The following MRNIP variants were observed in gnomAD, a reference collection of about 807,000 sequenced individuals.
MRNIP encodes the protein MRN complex-interacting protein.
Under a neutral mutation model 29.8 loss-of-function variants are expected in MRNIP, and 30 were observed. The ratio of observed to expected loss-of-function variants is 1.01; its 90% CI spans 0.75 to 1.36. MRNIP has a LOEUF of 1.36. Ranked by LOEUF, MRNIP falls within the 40% of genes most tolerant of loss-of-function variation. MRNIP has a pLI of 0.00. For missense variants in MRNIP, 459 were observed against 423.5 expected, an observed-to-expected ratio of 1.08 and a Z score of -0.74; for synonymous variants, 201 against 164.1, an observed-to-expected ratio of 1.23 and a Z score of -1.72.
rs544401792 is a variant in MRNIP, at chr5:179,843,044, A to AGG, written c.292-982_292-981dup. On this transcript the variant is annotated intron_variant, in intron 4 of 6. Transcript: ENST00000292586. ...GAGACTCTGTCGAAAGGAGGAAAGA[A>AGG]GGAAGGAAGGAAGGAAGGGAGGGAG... Among the ~76,000 whole-genome samples, 19 of 83,980 alleles carry AGG rather than the reference A, an allele frequency of 2.3e-4. No individual in the cohort carries two copies. The South Asian group carries it at 7.8e-3, about 34-fold the overall frequency. 55.1% of individuals were successfully genotyped at this position (83,980 alleles called of 152,430 possible).
intron 1 of MRNIP, among the ~76,000 whole-genome samples, chr5:179,857,885 G>A (rs1387262430): frequency 3.9e-5 from 6 of 151,954 alleles, no homozygotes; most frequent in African/African-American, 7.3e-5. Flanking sequence ...GGTGGCGCAT[G>A]CCTGTAATCC....
chr5:179,847,757 G>A, intron 3 of MRNIP: 2 of 487,850 alleles, frequency 4.1e-6, no homozygotes, highest in Non-Finnish European at 7.4e-6. Context: ...AGGTAATCAG[G>A]TGAGAATCTC....
chr5:179,854,807 CG>C (rs577855233), intron 1 of MRNIP, among the ~76,000 whole-genome samples: 92 of 152,202 alleles, frequency 6.0e-4, no homozygotes, highest in Non-Finnish European at 1.1e-3. Flanking sequence ...AAAAAAATTC[CG>C]TAACATTTAT....
chr5:179,851,850 A>T lies in MRNIP; in HGVS notation c.126+1528T>A, dbSNP rs182365914. On this transcript the variant is annotated intron_variant, in intron 2 of 6. Coordinates refer to ENST00000292586, the MANE Select transcript of MRNIP (RefSeq NM_016175.4). ...AATATTAGCCGGGCGTGGTGGTGGG[A>T]GCCTGTGGTCCCAGCTACTCAGGAG... 7.6e-3 allele frequency among the ~76,000 whole-genome samples: 1,152 copies of T among 151,672 alleles called. 14 individuals carry two copies. Among genetic ancestry groups the T allele is most frequent in the African/African-American group, 0.027 (1,099 of 41,320 alleles).
intron 2 of MRNIP, chr5:179,851,479 G>A: frequency 2.2e-6 from 1 of 448,208 alleles, no homozygotes; most frequent in South Asian, 1.6e-5. Flanking sequence ...GATATAGGGA[G>A]AAGCTGGGTG....
At chr5:179,841,078 A>C (rs1582039614) in intron 5 of MRNIP, 119 bp from the exon 6 acceptor site, 1 of 663,856 alleles carries the variant, frequency 1.5e-6, no homozygotes, top group Non-Finnish European at 2.6e-6. Context: ...ACGGCTTCCC[A>C]GGCAGCTGCT....
At chr5:179,848,145 A>C in intron 2 of MRNIP, 79 bp from the exon 3 acceptor site, 4 of 1,072,502 alleles carry the variant, frequency 3.7e-6, no homozygotes, top group Non-Finnish European at 5.8e-6. Context: ...GATGCACCTC[A>C]GGGAGGACAA....
At chr5:179,855,174 C>T (rs867985288) in intron 1 of MRNIP, among the ~76,000 whole-genome samples, 3 of 152,062 alleles carry the variant, frequency 2.0e-5, no homozygotes, top group African/African-American at 7.3e-5. Context: ...GACGGAGTTT[C>T]GCTCTTATTG....
At chr5:179,840,561 T>C (rs1312605407) in intron 6 of MRNIP, 1 of 508,148 alleles carries the variant, frequency 2.0e-6, no homozygotes, top group Admixed American at 3.7e-5. Context: ...GTCCCCGTGC[T>C]CCACGCAGAA....
Position 179,852,567 on chromosome 5 carries a change from G to A in MRNIP, c.126+811C>T, listed in dbSNP as rs1759416866. On this transcript the variant is annotated intron_variant, in intron 2 of 6. Coordinates refer to ENST00000292586, the MANE Select transcript of MRNIP (RefSeq NM_016175.4). ...ACTTACAGCCTTAGATGGACAATCC[G>A]TGCATAAACACATGACTATGTAACT... 2.6e-5 allele frequency among the ~76,000 whole-genome samples: 4 copies of A among 152,264 alleles called. No individual in the cohort carries two copies. In the South Asian group the frequency reaches 6.2e-4, roughly 24 times the overall value.
At chr5:179,857,679 T>C (rs9654546) in intron 1 of MRNIP, among the ~76,000 whole-genome samples, 1 of 152,054 alleles carries the variant, frequency 6.6e-6, no homozygotes, top group Non-Finnish European at 1.5e-5. Flanking sequence ...TACAGACACA[T>C]ACTCAGCATC....
Position 179,842,017 on chromosome 5 carries a change from C to T in MRNIP, c.339G>A (p.Lys113=). 1 of 1,614,078 alleles carries T rather than the reference C, an allele frequency of 6.2e-7. No homozygotes were observed. The highest frequency in any genetic ancestry group is 1.3e-5 in the African/African-American group (1 of 75,032). Residue 113 remains lysine, a synonymous_variant, in exon 5 of 7, where the codon AAG becomes AAA. Coordinates refer to ENST00000292586, the MANE Select transcript of MRNIP (RefSeq NM_016175.4). ...SESRWLKYLE[K]DSQELELEGT... The stretch of plus-strand genomic sequence containing the variant: ...CTTCCAGCTCCAGTTCTTGGGAGTC[C>T]TTTTCTAGATACTTCAGCCAGCGAC...
chr5:179,852,500 C>G (rs1336722236), intron 2 of MRNIP, among the ~76,000 whole-genome samples: 1 of 152,164 alleles, frequency 6.6e-6, no homozygotes, highest in Non-Finnish European at 1.5e-5. Context: ...GTGCTAGGTG[C>G]TGCGGATACA....
intron 6 of MRNIP, 86 bp from the exon 7 acceptor site, chr5:179,837,971 G>A (rs1758687224): frequency 2.2e-6 from 3 of 1,339,732 alleles, no homozygotes; most frequent in Non-Finnish European, 3.0e-6. Context: ...GGCCTTGGCT[G>A]GGCCTCTGGT....
At chr5:179,842,145 C>T in intron 4 of MRNIP, 81 bp from the exon 5 acceptor site, 1 of 1,395,288 alleles carries the variant, frequency 7.2e-7, no homozygotes, top group Non-Finnish European at 9.9e-7. Context: ...AACTCTTGGG[C>T]CTGAGGATCT....
chr5:179,845,129 A>G (rs1759073732), intron 3 of MRNIP, among the ~76,000 whole-genome samples: 1 of 151,860 alleles, frequency 6.6e-6, no homozygotes. Context: ...AATTTTCTAG[A>G]TTTATCTTCC....
At position 179,837,572 on chromosome 5, in the gene MRNIP, T is replaced by C. The variant is rs1429922141; in HGVS notation, c.851A>G (p.Gln284Arg). Reference sequence around the variant, plus strand: ...GACGGGGTGTGTGGCCCGAGGAAGCTGGACAGCGGCAGTGGGCCTGCTGAG... The same window carrying C: ...GACGGGGTGTGTGGCCCGAGGAAGCCGGACAGCGGCAGTGGGCCTGCTGAG... ...EGLSRPTAAV[Q>R]LPRATHPVTS... The change falls in exon 7 of 7, where the codon CAG becomes CGG. Residue 284 changes from glutamine (Q) to arginine (R), a missense_variant. Transcript: ENST00000292586. 2 of 1,614,242 alleles carry C rather than the reference T, an allele frequency of 1.2e-6. No homozygotes were observed. Among genetic ancestry groups the C allele is most frequent in the South Asian group, 1.1e-5 (1 of 91,084 alleles).
At chr5:179,842,533 CAAA>C (rs1293432933) in intron 4 of MRNIP, among the ~76,000 whole-genome samples, 2 of 131,730 alleles carry the variant, frequency 1.5e-5, no homozygotes, top group Non-Finnish European at 3.2e-5. Flanking sequence ...AAAACAACAA[CAAA>C]AAAAAAACAA....
intron 3 of MRNIP, among the ~76,000 whole-genome samples, chr5:179,846,518 T>C (rs1325650467): frequency 6.6e-6 from 1 of 152,092 alleles, no homozygotes; most frequent in Non-Finnish European, 1.5e-5. Flanking sequence ...CTTGACCTCA[T>C]GATCCATCTG....
Sources: gnomAD v4.1 joint callset for allele counts (sites outside exome capture counted in the v4.1 genomes callset) on GRCh38, gnomAD v4.1.1 for gene constraint, MANE v1.5 for transcripts, NCBI Gene and HGNC (gene_info 2026-07-23, HGNC 2026-07-21) for gene names.